NUP188: variants seen among roughly 807,000 people sequenced by gnomAD.
NUP188 encodes nucleoporin 188.
Under a neutral mutation model 223.0 loss-of-function variants are expected in NUP188, and 97 were observed. The observed-to-expected ratio is 0.43, with a 90% CI of 0.37 to 0.51. NUP188 has a LOEUF of 0.51. Ranked by LOEUF, NUP188 falls within the 20% of genes least tolerant of loss-of-function variation. The probability of loss-of-function intolerance (pLI) is 0.00; values close to 1 mark genes in which losing one functional copy is unlikely to be tolerated. For missense variants in NUP188, 1,947 were observed against 2,175.6 expected (o/e 0.89, Z 2.09); for synonymous variants, 869 against 828.0 (o/e 1.05, Z -0.85).
At chr9:128,947,971 C>T in intron 1 of NUP188, 1 of 395,818 alleles carries the variant, frequency 2.5e-6, no homozygotes, top group East Asian at 3.6e-5. Flanking sequence ...TTCACCCCTT[C>T]CCTCCGCGCT....
chr9:128,957,896 A>T (rs756301187), intron 5 of NUP188, 114 bp from the exon 6 acceptor site: 33 of 801,990 alleles, frequency 4.1e-5, no homozygotes, highest in Non-Finnish European at 6.7e-5. Context: ...AAGTATATGT[A>T]GAAACAAATG....
At chr9:128,983,406 C>T (rs761075505) in intron 18 of NUP188, 26 bp downstream of exon 18, 5 of 1,613,170 alleles carry the variant, frequency 3.1e-6, no homozygotes, top group Admixed American at 3.3e-5. Context: ...TTCCCAAGAG[C>T]CAAAAATGTA....
At chr9:128,982,121 G>C (rs1842263131) in intron 15 of NUP188, among the ~76,000 whole-genome samples, 1 of 150,810 alleles carries the variant, frequency 6.6e-6, no homozygotes, top group Admixed American at 6.6e-5. Context: ...ACTTTTTTGT[G>C]TATTTTAGTT....
chr9:129,003,300 G>T lies in NUP188; in HGVS notation c.4297-17G>T. On this transcript the variant is annotated splice_polypyrimidine_tract_variant and intron_variant, in intron 37 of 43. Transcript: ENST00000372577. Reference sequence around the variant, plus strand: ...TCAGCCATCCCCATCTTTCCCTGATGTGTGCTTTCCTCCCAGTGCCTCAAC... The same window carrying T: ...TCAGCCATCCCCATCTTTCCCTGATTTGTGCTTTCCTCCCAGTGCCTCAAC... 1 of 1,595,952 alleles carries T rather than the reference G, an allele frequency of 6.3e-7. No homozygotes were observed.
rs929192727 is a variant in NUP188 at position 128,998,652 on chromosome 9, G to A, written c.3515+29G>A. On this transcript the variant is annotated intron_variant, in intron 32 of 43. Transcript: ENST00000372577. ...AGGCTGTGCCAGGAGAGGCAAGCCC[G>A]AGGCCAGAGCCTTCTTGTCAGTGCC... 5.7e-6 allele frequency: 9 copies of A among 1,571,296 alleles called. No homozygotes were observed. In the East Asian group the frequency reaches 1.6e-4, roughly 27 times the overall value.
intron 19 of NUP188, among the ~76,000 whole-genome samples, chr9:128,984,022 A>G (rs1419703278): frequency 2.0e-5 from 3 of 150,654 alleles, no homozygotes; most frequent in Non-Finnish European, 4.4e-5. Context: ...AGGTCTTACC[A>G]TGTTGGTCTG....
intron 8 of NUP188, among the ~76,000 whole-genome samples, chr9:128,960,776 C>G (rs1054701491): frequency 3.9e-5 from 6 of 151,922 alleles, no homozygotes; most frequent in African/African-American, 9.7e-5. Context: ...ATGGTAAAAC[C>G]CTGTTTCTAC....
In NUP188 at chr9:128,982,931, C is replaced by G; in HGVS notation, c.1699C>G (p.Pro567Ala). 6.2e-7 allele frequency: 1 copy of G among 1,614,166 alleles called. No individual in the cohort carries two copies. Among genetic ancestry groups the G allele is most frequent in the Non-Finnish European group, 8.5e-7 (1 of 1,180,022 alleles). Residue 567 changes from proline (P) to alanine (A), a missense_variant, in exon 17 of 44, where the codon CCC becomes GCC. Physicochemically the swap from Pro to Ala is conservative, Grantham distance 27. Coordinates refer to ENST00000372577, the MANE Select transcript of NUP188 (RefSeq NM_015354.3). ...GATTCAGCACTGCCAGCGAGTCAAA[C>G]CCATCATTGATCTCGTCCATAAGGT... Reference protein sequence around the residue: ...DVIQHCQRVKPIIDLVHKVIS... With the variant: ...DVIQHCQRVKAIIDLVHKVIS...
In NUP188 at chr9:128,999,802, T is replaced by C. The variant is rs1230254015; in HGVS notation, c.3840T>C (p.Asp1280=). 3 of 1,614,132 alleles carry C rather than the reference T, an allele frequency of 1.9e-6. No homozygotes were observed. In the Admixed American group the frequency reaches 5.0e-5, roughly 27 times the overall value. ...CSRSRHRDQR[D]GVCVLGLHLA... is the part of the protein sequence containing the mutation. ...GGTCCCGGCACAGGGACCAGCGTGA[T>C]GGGGTGAGACAGTGCCCTAGAAGGC... The change falls in exon 34 of 44, where the codon GAT becomes GAC. Residue 1280 remains aspartate (D), a synonymous_variant. Coordinates refer to ENST00000372577, the MANE Select transcript of NUP188 (RefSeq NM_015354.3).
rs921070040 is a variant in NUP188 at position 129,006,788 on chromosome 9, A to G, written c.*110A>G. The G allele has an allele frequency of 7.0e-6, 8 of 1,146,448 alleles. No individual in the cohort carries two copies. Among genetic ancestry groups the G allele is most frequent in the East Asian group, 2.6e-5 (1 of 37,920 alleles). 71.0% of individuals were successfully genotyped at this position (1,146,448 alleles called of 1,614,324 possible). ...TATACAATGGAGGGCACCTCCTGTC[A>G]CCCCCCTCCCGGAGTAGCCACGACT... is the stretch of plus-strand genomic sequence containing the variant. On this transcript the variant is annotated 3_prime_UTR_variant, in exon 44 of 44. Coordinates refer to ENST00000372577, the MANE Select transcript of NUP188 (RefSeq NM_015354.3).
chr9:128,961,574 A>ATATCTATC (rs376439021), intron 8 of NUP188, among the ~76,000 whole-genome samples: 10 of 140,368 alleles, frequency 7.1e-5, no homozygotes, highest in African/African-American at 2.7e-4. Context: ...ATCTATATCT[A>ATATCTATC]TATCTATCTA....
intron 37 of NUP188, 28 bp from the exon 38 acceptor site, chr9:129,003,289 C>CT: frequency 6.3e-7 from 1 of 1,588,262 alleles, no homozygotes; most frequent in Admixed American, 1.9e-5. Flanking sequence ...CCATCCCCAT[C>CT]TTTCCCTGAT....
intron 1 of NUP188, chr9:128,948,924 A>G (rs1588264867): frequency 4.2e-6 from 1 of 235,904 alleles, no homozygotes; most frequent in Admixed American, 5.7e-5. Flanking sequence ...ACAGGGTTTC[A>G]CTGTGTTAGC....
At chr9:128,977,508 CAATT>C (rs968739017) in intron 12 of NUP188, among the ~76,000 whole-genome samples, 2 of 151,802 alleles carry the variant, frequency 1.3e-5, no homozygotes, top group African/African-American at 2.4e-5. Context: ...AAGGATAAAA[CAATT>C]AAAGACATTG....
chr9:128,973,634 C>T (rs1382587974), intron 12 of NUP188, among the ~76,000 whole-genome samples: 1 of 152,174 alleles, frequency 6.6e-6, no homozygotes, highest in South Asian at 2.1e-4. Flanking sequence ...CCGCCTGCCT[C>T]GGCCTCCCAA....
chr9:128,961,619 TAG>T (rs1491333613), intron 8 of NUP188, among the ~76,000 whole-genome samples: 1 of 141,064 alleles, frequency 7.1e-6, no homozygotes, highest in Admixed American at 7.7e-5. Context: ...GATAGATAGA[TAG>T]ATTTTTTTTT....
intron 12 of NUP188, among the ~76,000 whole-genome samples, chr9:128,974,483 C>T (rs1478911748): frequency 6.6e-6 from 1 of 150,644 alleles, no homozygotes; most frequent in African/African-American, 2.5e-5. Context: ...CTGTCAGCCT[C>T]CCACAGTGCT....
intron 33 of NUP188, 116 bp from the exon 34 acceptor site, chr9:128,999,508 G>A: frequency 1.7e-6 from 2 of 1,204,756 alleles, no homozygotes; most frequent in South Asian, 1.4e-5. Flanking sequence ...CTGGACAGAT[G>A]CTGTCCCTCC....
rs1842336347 is a variant in NUP188, at chr9:128,986,585, G to C, written c.2104G>C (p.Gly702Arg). ...KGQLGSTQSQ[G>R]LVPCVMFVLK... ...GCAACTTGGTAGTACCCAGAGCCAAGGACTTGTACCCTGTGTAATGTTTGT... is the reference window on the plus strand; with the variant it reads ...GCAACTTGGTAGTACCCAGAGCCAACGACTTGTACCCTGTGTAATGTTTGT... The change falls in exon 21 of 44, where the codon GGA becomes CGA. Residue 702 changes from glycine (G) to arginine (R), a missense_variant. Coordinates refer to ENST00000372577, the MANE Select transcript of NUP188 (RefSeq NM_015354.3). The C allele has an allele frequency of 6.2e-7, 1 of 1,613,972 alleles. No homozygotes were observed. The highest frequency in any genetic ancestry group is 1.7e-5 in the Admixed American group (1 of 59,988).
Sources: allele counts gnomAD v4.1 joint callset (sites outside exome capture counted in the v4.1 genomes callset), GRCh38; gene constraint gnomAD v4.1.1; transcripts MANE v1.5; gene names NCBI Gene and HGNC (gene_info 2026-07-23, HGNC 2026-07-21).